The following MAML3 variants were observed in gnomAD, a reference collection of about 807,000 sequenced individuals.
The protein encoded by MAML3 is mastermind-like protein 3.
In MAML3, 27 loss-of-function variants were observed where a neutral mutation model predicts 101.9. That is an observed-to-expected ratio of 0.27 (90% CI 0.20 to 0.37). MAML3 has a LOEUF of 0.37. MAML3 is among the 10% of genes least tolerant of loss of function. The probability of loss-of-function intolerance (pLI) is 1.00; values close to 1 mark genes in which losing one functional copy is unlikely to be tolerated. For synonymous variants in MAML3, 501 were observed against 555.9 expected (o/e 0.90, Z 1.39); for missense variants, 1,316 against 1,444.9 (o/e 0.91, Z 1.45).
chr4:139,944,013 G>GCCTCAGCCTCCCAGGTA (rs1733657794), intron 1 of MAML3, among the ~76,000 whole-genome samples: 1 of 151,640 alleles, frequency 6.6e-6, no homozygotes, highest in Non-Finnish European at 1.5e-5. Context: ...TGGGACTACA[G>GCCTCAGCCTCCCAGGTA]GCGTGCGCCA....
intron 1 of MAML3, among the ~76,000 whole-genome samples, chr4:140,069,033 G>A (rs1232032859): frequency 2.0e-5 from 3 of 152,090 alleles, no homozygotes; most frequent in East Asian, 1.9e-4. Context: ...TGAAAAAGGT[G>A]AAAAAGAACA....
At chr4:139,845,414 T>C (rs1483744906) in intron 2 of MAML3, among the ~76,000 whole-genome samples, 1 of 152,198 alleles carries the variant, frequency 6.6e-6, no homozygotes. Flanking sequence ...CAGAGACACA[T>C]AGGTAGAAAT....
At chr4:139,905,039 A>G (rs1008280210) in intron 1 of MAML3, among the ~76,000 whole-genome samples, 1 of 152,236 alleles carries the variant, frequency 6.6e-6, no homozygotes, top group South Asian at 2.1e-4. Flanking sequence ...CTTGAGCCAG[A>G]GTGTAGGGCA....
At chr4:139,891,097 T>A in intron 1 of MAML3, 130 bp from the exon 2 acceptor site, 1 of 1,127,898 alleles carries the variant, frequency 8.9e-7, no homozygotes, top group Non-Finnish European at 1.2e-6. Context: ...GTCATACTTA[T>A]AATTTCAAAA....
In MAML3 at chr4:140,153,126, G is replaced by C; in HGVS notation, c.202C>G (p.Pro68Ala). Reference protein sequence around the residue: ...GGPGGGSAAVPKHSTVVERLR... With the variant: ...GGPGGGSAAVAKHSTVVERLR... ...CGCTCCACCACGGTGCTGTGCTTGG[G>C]AACGGCCGCCGAACCGCCGCCGGGG... Residue 68 changes from proline to alanine, a missense_variant, in exon 1 of 5, where the codon CCC (proline) becomes GCC (alanine). Transcript: ENST00000509479. The C allele has an allele frequency of 1.9e-6, 3 of 1,550,570 alleles. No homozygotes were observed. The highest frequency in any genetic ancestry group is 1.7e-6 in the Non-Finnish European group (2 of 1,146,804).
intron 2 of MAML3, among the ~76,000 whole-genome samples, chr4:139,770,792 C>T (rs1180635863): frequency 1.3e-5 from 2 of 152,160 alleles, no homozygotes; most frequent in African/African-American, 4.8e-5. Flanking sequence ...AAGTAAATGA[C>T]ATCAGAGAAA....
At chr4:139,837,017 G>A (rs1731265487) in intron 2 of MAML3, among the ~76,000 whole-genome samples, 1 of 151,554 alleles carries the variant, frequency 6.6e-6, no homozygotes, top group Non-Finnish European at 1.5e-5. Context: ...AGCTACTCAG[G>A]AGGCTGGGGC....
At chr4:139,871,678 G>T (rs1031987213) in intron 2 of MAML3, among the ~76,000 whole-genome samples, 3 of 152,106 alleles carry the variant, frequency 2.0e-5, no homozygotes, top group African/African-American at 7.2e-5. Context: ...ACTCCCCTGG[G>T]TCCTCCTCCC....
rs182571116 is a variant in MAML3 at position 139,953,255 on chromosome 4, G to A, written c.469-62288C>T. Among the ~76,000 whole-genome samples the A allele has an allele frequency of 2.7e-4, 41 of 152,302 alleles. 1 individual carries two copies. The South Asian group carries it at 4.6e-3, about 17-fold the overall frequency. On this transcript the variant is annotated intron_variant, in intron 1 of 4. Coordinates refer to ENST00000509479, the MANE Select transcript of MAML3 (RefSeq NM_018717.5). The stretch of plus-strand genomic sequence containing the variant: ...GACAGGAAGAAAGGGGTAGAAAAGA[G>A]ATTTATCTCTCACCGTATTTTGTTT...
At chr4:140,133,935 C>A in intron 1 of MAML3, 1 of 344,398 alleles carries the variant, frequency 2.9e-6, no homozygotes, top group Non-Finnish European at 5.8e-6. Flanking sequence ...ATTTTTTACC[C>A]ATACTTAACA....
At chr4:139,763,750 T>C (rs768149347) in intron 2 of MAML3, among the ~76,000 whole-genome samples, 2 of 152,184 alleles carry the variant, frequency 1.3e-5, no homozygotes, top group East Asian at 1.9e-4. Context: ...GCTAAAGATA[T>C]CTCTGCATGT....
chr4:140,056,605 G>T (rs1004520325), intron 1 of MAML3, among the ~76,000 whole-genome samples: 1 of 151,872 alleles, frequency 6.6e-6, no homozygotes. Flanking sequence ...TCAGGATTTC[G>T]AGACCCACCT....
chr4:139,814,025 A>AACACACACATACAC (rs1553958295), intron 2 of MAML3, among the ~76,000 whole-genome samples: 1 of 145,138 alleles, frequency 6.9e-6, no homozygotes, highest in East Asian at 2.0e-4. Context: ...CACAAACACA[A>AACACACACATACAC]ACACACACAC....
chr4:139,749,326 T>A (rs1166514188), intron 2 of MAML3, among the ~76,000 whole-genome samples: 1 of 152,232 alleles, frequency 6.6e-6, no homozygotes, highest in Non-Finnish European at 1.5e-5. Flanking sequence ...CTAAGAGAAC[T>A]GCTACACAAG....
intron 1 of MAML3, among the ~76,000 whole-genome samples, chr4:140,007,925 C>T (rs543526639): frequency 5.9e-5 from 9 of 152,294 alleles, no homozygotes; most frequent in African/African-American, 1.2e-4. Flanking sequence ...GCTCTACTAT[C>T]AAAGAGAATT....
At chr4:140,097,181 A>G (rs1216312981) in intron 1 of MAML3, among the ~76,000 whole-genome samples, 3 of 152,244 alleles carry the variant, frequency 2.0e-5, no homozygotes, top group African/African-American at 7.2e-5. Context: ...CTCCCCATCC[A>G]TGCAAAACAC....
intron 1 of MAML3, among the ~76,000 whole-genome samples, chr4:139,915,034 AATC>A (rs1426411416): frequency 6.6e-6 from 1 of 152,236 alleles, no homozygotes; most frequent in Non-Finnish European, 1.5e-5. Context: ...ATGAATCTAA[AATC>A]ATTCAATTAC....
chr4:140,072,864 C>T (rs980216045), intron 1 of MAML3, among the ~76,000 whole-genome samples: 7 of 152,064 alleles, frequency 4.6e-5, no homozygotes, highest in Non-Finnish European at 7.4e-5. Context: ...GAAGAGGATA[C>T]GCTGCATGAA....
In MAML3 at chr4:140,020,396, C is replaced by G. The variant is rs143530878; in HGVS notation, c.469-129429G>C. 4.7e-3 allele frequency among the ~76,000 whole-genome samples: 689 copies of G among 147,498 alleles called. 1 individual carries two copies. Among genetic ancestry groups the G allele is most frequent in the Admixed American group, 8.1e-3 (119 of 14,630 alleles). ...ATATGAAATAATTGCACCATGAAAT[C>G]TAATTTGAGGCTGATTTTTTTTTTT... On this transcript the variant is annotated intron_variant, in intron 1 of 4. Transcript: ENST00000509479.
Sources: allele counts gnomAD v4.1 joint callset (sites outside exome capture counted in the v4.1 genomes callset), GRCh38; gene constraint gnomAD v4.1.1; transcripts MANE v1.5; gene names NCBI Gene and HGNC (gene_info 2026-07-23, HGNC 2026-07-21).